The following UNC45A variants were observed in gnomAD, a reference collection of about 807,000 sequenced individuals.
UNC45A encodes protein unc-45 homolog A.
UNC45A carries 78 observed loss-of-function variants against 103.2 expected under a neutral mutation model. The ratio of observed to expected loss-of-function variants is 0.76; its 90% CI spans 0.63 to 0.91. The LOEUF (loss-of-function observed/expected upper bound fraction) is 0.91. Among genes scored for constraint, UNC45A ranks in the 40% least tolerant of loss-of-function variants. The probability of loss-of-function intolerance (pLI) is 0.00; values close to 1 mark genes in which losing one functional copy is unlikely to be tolerated. For missense variants in UNC45A, 1,193 were observed against 1,224.8 expected (o/e 0.97, Z 0.39); for synonymous variants, 495 against 504.6 (o/e 0.98, Z 0.25).
At position 90,943,020 on chromosome 15, in the gene UNC45A, C is replaced by T. The variant is rs79604948; in HGVS notation, c.965C>T (p.Ala322Val). The T allele has an allele frequency of 6.8e-4, 1,092 of 1,614,192 alleles. 9 individuals are homozygous for T. The African/African-American group carries it at 8.0e-3, about 12-fold the overall frequency. ...RDNALTLLIKAVPRKSLKDPN... is the reference protein window; with the variant it reads ...RDNALTLLIKVVPRKSLKDPN... ...AATGCCCTGACCCTCCTGATTAAAG[C>T]GGTGCCCCGGAAGTCTCTCAAGGAC... The change falls in exon 8 of 20, where the codon GCG becomes GTG. Residue 322 changes from alanine (A) to valine (V), a missense_variant. Coordinates refer to ENST00000418476, the MANE Select transcript of UNC45A (RefSeq NM_018671.5).
intron 17 of UNC45A, among the ~76,000 whole-genome samples, chr15:90,951,305 A>G (rs1436744917): frequency 1.3e-5 from 2 of 152,186 alleles, no homozygotes; most frequent in Non-Finnish European, 1.5e-5. Flanking sequence ...GCAGCTGGCC[A>G]GCATGTTTTA....
intron 13 of UNC45A, 26 bp from the exon 14 acceptor site, chr15:90,949,290 C>G (rs559096891): frequency 1.9e-6 from 3 of 1,606,344 alleles, no homozygotes; most frequent in Non-Finnish European, 1.7e-6. Flanking sequence ...GCCTAGGCCC[C>G]TCTCCTAAGC....
At chr15:90,937,202 T>C (rs1251772307) in intron 4 of UNC45A, among the ~76,000 whole-genome samples, 2 of 152,076 alleles carry the variant, frequency 1.3e-5, no homozygotes, top group African/African-American at 4.8e-5. Context: ...AAAAGTTAGC[T>C]GGGTGTGGTG....
upstream of UNC45A, chr15:90,931,434 G>C: frequency 1.9e-6 from 3 of 1,609,544 alleles, no homozygotes; most frequent in Non-Finnish European, 2.5e-6. Context: ...AAACTTGCTA[G>C]CGTGATGTCA....
chr15:90,952,645 G>A (rs895084933), intron 17 of UNC45A: 17 of 379,980 alleles, frequency 4.5e-5, no homozygotes, highest in East Asian at 9.9e-5. Flanking sequence ...GGCTGGTCTC[G>A]AACTCTTGAC....
At chr15:90,949,254 A>T (rs1428438233) in intron 13 of UNC45A, 62 bp from the exon 14 acceptor site, 14 of 1,560,828 alleles carry the variant, frequency 9.0e-6, no homozygotes, top group Middle Eastern at 3.4e-4. Context: ...CTGCTGTGAG[A>T]AGGGTCCCCC....
Position 90,944,913 on chromosome 15 carries a change from TGGG to T in UNC45A, c.1053_1055del (p.Gly352del). The T allele has an allele frequency of 6.2e-7, 1 of 1,612,188 alleles. No individual in the cohort carries two copies. Among genetic ancestry groups the T allele is most frequent in the Middle Eastern group, 2.2e-4 (1 of 4,578 alleles). On this transcript the variant is annotated inframe_deletion, in exon 9 of 20. Coordinates refer to ENST00000418476, the MANE Select transcript of UNC45A (RefSeq NM_018671.5). ...ACAGGTCTGAAAAAGATTTTGGAAG[TGGG>T]GGGCTCTCTACAGGACCCTCCTGGG...
intron 3 of UNC45A, 93 bp from the exon 4 acceptor site, chr15:90,936,192 C>T (rs2036008632): frequency 2.6e-6 from 4 of 1,536,540 alleles, no homozygotes; most frequent in Non-Finnish European, 3.5e-6. Flanking sequence ...TCCCCCCCAC[C>T]TTCTTCTGGC....
At chr15:90,939,150 T>G (rs188792849) in intron 4 of UNC45A, among the ~76,000 whole-genome samples, 1 of 151,990 alleles carries the variant, frequency 6.6e-6, no homozygotes, top group Admixed American at 6.6e-5. Flanking sequence ...CGGCTAATTT[T>G]TTGTATTTTT....
upstream of UNC45A, chr15:90,932,320 T>A: frequency 1.2e-6 from 1 of 818,056 alleles, no homozygotes; most frequent in Non-Finnish European, 1.8e-6. Context: ...TATATCGCAC[T>A]AAGCTTGGGA....
chr15:90,935,111 G>C (rs1017297302), upstream of UNC45A: 4 of 598,334 alleles, frequency 6.7e-6, no homozygotes, highest in East Asian at 1.2e-4. Context: ...GTCTCTGCGG[G>C]GACAGCTTAG....
At chr15:90,944,109 G>A (rs2036438710) in intron 8 of UNC45A, among the ~76,000 whole-genome samples, 1 of 148,798 alleles carries the variant, frequency 6.7e-6, no homozygotes, top group African/African-American at 2.5e-5. Flanking sequence ...AATAAGAGCT[G>A]GGCGTGGTGC....
intron 6 of UNC45A, among the ~76,000 whole-genome samples, chr15:90,941,720 A>G (rs1028834635): frequency 1.2e-4 from 18 of 151,746 alleles, no homozygotes; most frequent in African/African-American, 4.8e-5. Flanking sequence ...AGCACTTTGG[A>G]AGGCCGAGGC....
chr15:90,930,917 C>T (rs1029210081), upstream of UNC45A: 16 of 249,740 alleles, frequency 6.4e-5, 1 homozygote, highest in East Asian at 1.6e-3. Flanking sequence ...GCAGCAGCAG[C>T]TTAAACCTTA....
At chr15:90,935,060 G>A, upstream of UNC45A, 2 of 572,570 alleles carry the variant, frequency 3.5e-6, no homozygotes, top group Non-Finnish European at 6.2e-6. Context: ...TGGAGCCACC[G>A]CAGGCCTCCC....
chr15:90,952,655 C>T (rs1397017569), intron 17 of UNC45A: 2 of 415,398 alleles, frequency 4.8e-6, no homozygotes, highest in Non-Finnish European at 8.9e-6. Flanking sequence ...GAACTCTTGA[C>T]CTCAAGTCAT....
rs1184766663 is a variant in UNC45A at position 90,950,150 on chromosome 15, A to G, written c.2074-4A>G. On this transcript the variant is annotated splice_region_variant and splice_polypyrimidine_tract_variant and intron_variant, in intron 15 of 19. Transcript: ENST00000418476. ...CCTGAGCAGTGACGGGCTTGTTCCTACAGGCGCTGATCCCGCTGGCCCTGG... is the reference window on the plus strand; with the variant it reads ...CCTGAGCAGTGACGGGCTTGTTCCTGCAGGCGCTGATCCCGCTGGCCCTGG... The G allele has an allele frequency of 1.9e-6, 3 of 1,551,042 alleles. No individual in the cohort carries two copies. The highest frequency in any genetic ancestry group is 2.6e-6 in the Non-Finnish European group (3 of 1,146,956).
rs777786949 is a variant in UNC45A at position 90,940,321 on chromosome 15, G to A, written c.535G>A (p.Val179Met). ...EKKQKASQNL[V>M]VLAREDAGAE... ...TTTGACGCAGGCTTCTCAGAACCTG[G>A]TGGTGCTGGCCAGGGAGGATGCTGG... is the stretch of plus-strand genomic sequence containing the variant. Residue 179 changes from valine (V) to methionine (M), a missense_variant, in exon 6 of 20, where the codon GTG becomes ATG. Coordinates refer to ENST00000418476, the MANE Select transcript of UNC45A (RefSeq NM_018671.5). 2.5e-6 allele frequency: 4 copies of A among 1,613,382 alleles called. No homozygotes were observed. The highest frequency in any genetic ancestry group is 1.3e-5 in the African/African-American group (1 of 74,890).
chr15:90,937,678 C>T (rs962363061), intron 4 of UNC45A, among the ~76,000 whole-genome samples: 2 of 151,814 alleles, frequency 1.3e-5, no homozygotes, highest in Non-Finnish European at 2.9e-5. Context: ...AGTAGAGATG[C>T]GGTTTCACTG....
Sources: allele counts gnomAD v4.1 joint callset (sites outside exome capture counted in the v4.1 genomes callset), GRCh38; gene constraint gnomAD v4.1.1; transcripts MANE v1.5; gene names NCBI Gene and HGNC (gene_info 2026-07-23, HGNC 2026-07-21).